Variants in ASIC2 observed in about 807,000 individuals in gnomAD.
ASIC2 encodes the protein acid-sensing ion channel 2.
A neutral mutation model predicts 57.3 loss-of-function variants in ASIC2; 25 were observed. That is an observed-to-expected ratio of 0.44 (90% confidence interval 0.32 to 0.61). The LOEUF is 0.61. ASIC2 is among the 20% of genes least tolerant of loss of function. ASIC2 has a pLI of 0.06. For missense variants in ASIC2, 641 were observed against 738.1 expected, an observed-to-expected ratio of 0.87 and a Z score of 1.52; for synonymous variants, 319 against 307.5, an observed-to-expected ratio of 1.04 and a Z score of -0.39.
chr17:34,084,117 T>A (rs1910003987), intron 1 of ASIC2, among the ~76,000 whole-genome samples: 2 of 151,948 alleles, frequency 1.3e-5, no homozygotes, highest in Non-Finnish European at 2.9e-5. Context: ...TCCTGAATAG[T>A]AATGCTGAGG....
intron 1 of ASIC2, among the ~76,000 whole-genome samples, chr17:33,301,373 T>C (rs534504728): frequency 2.9e-4 from 44 of 152,234 alleles, no homozygotes; most frequent in Middle Eastern, 6.8e-3. Context: ...ACAGCAACTC[T>C]ATGAAGTATG....
intron 1 of ASIC2, among the ~76,000 whole-genome samples, chr17:33,581,997 C>G (rs1364086760): frequency 6.6e-6 from 1 of 152,166 alleles, no homozygotes; most frequent in Non-Finnish European, 1.5e-5. Flanking sequence ...GTCCCCACAC[C>G]TTGGTGTTTT....
At chr17:33,966,960 G>T (rs1345231066) in intron 1 of ASIC2, among the ~76,000 whole-genome samples, 1 of 151,718 alleles carries the variant, frequency 6.6e-6, no homozygotes, top group African/African-American at 2.4e-5. Context: ...CTGCTCCCCT[G>T]TTTCTAGTGT....
chr17:33,432,448 G>A (rs1325515529), intron 1 of ASIC2, among the ~76,000 whole-genome samples: 1 of 152,174 alleles, frequency 6.6e-6, no homozygotes, highest in Non-Finnish European at 1.5e-5. Context: ...AGGATCGCTT[G>A]AGCCCAGGAG....
intron 1 of ASIC2, among the ~76,000 whole-genome samples, chr17:34,016,197 G>T (rs1445200848): frequency 4.6e-5 from 7 of 151,964 alleles, no homozygotes; most frequent in African/African-American, 1.5e-4. Flanking sequence ...GGCCGAGGCA[G>T]GTGGATCACC....
intron 1 of ASIC2, among the ~76,000 whole-genome samples, chr17:33,977,923 T>A (rs2142002234): frequency 6.6e-6 from 1 of 152,322 alleles, no homozygotes; most frequent in South Asian, 2.1e-4. Context: ...GCTGCCTGCC[T>A]GGCACATGGG....
chr17:33,686,562 G>A (rs761394569), intron 1 of ASIC2, among the ~76,000 whole-genome samples: 3 of 152,190 alleles, frequency 2.0e-5, no homozygotes, highest in Non-Finnish European at 2.9e-5. Flanking sequence ...GGGCAACTCT[G>A]CTGGTCCTCA....
At chr17:33,511,295 C>A (rs1403229226) in intron 1 of ASIC2, among the ~76,000 whole-genome samples, 1 of 152,258 alleles carries the variant, frequency 6.6e-6, no homozygotes, top group East Asian at 1.9e-4. Context: ...CTGGATGCTG[C>A]TTTTATTTCT....
chr17:33,620,694 G>A (rs542403640), intron 1 of ASIC2, among the ~76,000 whole-genome samples: 20 of 152,230 alleles, frequency 1.3e-4, no homozygotes, highest in African/African-American at 4.3e-4. Flanking sequence ...TAGCCTTCTT[G>A]TTTCTTATGA....
chr17:34,069,401 TTC>T (rs1353014305), intron 1 of ASIC2: 5 of 151,994 alleles, frequency 3.3e-5, no homozygotes, highest in Non-Finnish European at 7.4e-5. Context: ...TTTTCCTTCT[TTC>T]TCTTTCTTTC....
At chr17:33,866,454 A>G (rs954082759) in intron 1 of ASIC2, among the ~76,000 whole-genome samples, 4 of 152,106 alleles carry the variant, frequency 2.6e-5, no homozygotes, top group African/African-American at 9.7e-5. Flanking sequence ...TTTTGAAAAA[A>G]CAATGCTTCC....
At chr17:33,498,271 G>A (rs1249555219) in intron 1 of ASIC2, among the ~76,000 whole-genome samples, 1 of 152,214 alleles carries the variant, frequency 6.6e-6, no homozygotes, top group Non-Finnish European at 1.5e-5. Context: ...TCCAAAGCTG[G>A]TTGTGATTCC....
At chr17:33,251,762 A>G (rs952459415) in intron 1 of ASIC2, among the ~76,000 whole-genome samples, 1 of 152,192 alleles carries the variant, frequency 6.6e-6, no homozygotes, top group Admixed American at 6.6e-5. Context: ...AATGTCATAC[A>G]GCTAATAAGA....
At chr17:34,085,057 C>T (rs1053829487) in intron 1 of ASIC2, among the ~76,000 whole-genome samples, 2 of 152,108 alleles carry the variant, frequency 1.3e-5, no homozygotes, top group Non-Finnish European at 2.9e-5. Flanking sequence ...TTGCCGTGGC[C>T]AGAACTTCCA....
In ASIC2 at chr17:33,563,164, G is replaced by A. The variant is rs74839360; in HGVS notation, c.556-451097C>T. Among the ~76,000 whole-genome samples the A allele has an allele frequency of 5.6e-3, 847 of 152,276 alleles. 1 individual carries two copies. Among genetic ancestry groups the A allele is most frequent in the Non-Finnish European group, 9.2e-3 (624 of 68,034 alleles). ...GAGTTTTGCTACTTAAAATGATGAG[G>A]CTTTCTGCTCAGACCTTCTGATAAG... On this transcript the variant is annotated intron_variant, in intron 1 of 9. Coordinates refer to the ASIC2 transcript ENST00000359872.
At chr17:33,884,067 C>T (rs895435405) in intron 1 of ASIC2, among the ~76,000 whole-genome samples, 3 of 152,160 alleles carry the variant, frequency 2.0e-5, no homozygotes, top group East Asian at 3.9e-4. Context: ...TGTTTGCAAC[C>T]GCACACCTAT....
intron 1 of ASIC2, among the ~76,000 whole-genome samples, chr17:33,805,062 GA>G (rs1424512931): frequency 6.6e-6 from 1 of 152,070 alleles, no homozygotes; most frequent in Non-Finnish European, 1.5e-5. Flanking sequence ...TTATGTTCCA[GA>G]ACTTCTGGAA....
chr17:33,750,234 C>G (rs866919733), intron 1 of ASIC2, among the ~76,000 whole-genome samples: 1 of 152,036 alleles, frequency 6.6e-6, no homozygotes, highest in Admixed American at 6.5e-5. Flanking sequence ...AGCCCTTGTC[C>G]CACTCTGCAG....
At chr17:33,077,561 A>G (rs2092094078) in intron 3 of ASIC2, among the ~76,000 whole-genome samples, 1 of 152,220 alleles carries the variant, frequency 6.6e-6, no homozygotes, top group African/African-American at 2.4e-5. Flanking sequence ...AGAGGGAGAG[A>G]GACAGAGAGT....
Sources: allele counts gnomAD v4.1 joint callset (sites outside exome capture counted in the v4.1 genomes callset), GRCh38; gene constraint gnomAD v4.1.1; transcripts MANE v1.5; gene names NCBI Gene and HGNC (gene_info 2026-07-23, HGNC 2026-07-21).